The following PTPRM variants were observed in gnomAD, a reference collection of about 807,000 sequenced individuals.
PTPRM encodes the protein protein tyrosine phosphatase receptor type M, also known as receptor-type tyrosine-protein phosphatase mu.
A neutral mutation model predicts 186.7 loss-of-function variants in PTPRM; 47 were observed. The ratio of observed to expected loss-of-function variants is 0.25; its 90% confidence interval spans 0.20 to 0.32. The LOEUF (loss-of-function observed/expected upper bound fraction) is 0.32. Ranked by LOEUF, PTPRM falls within the 10% of genes least tolerant of loss-of-function variation. The pLI is 1.00. For missense variants in PTPRM, 1,494 were observed against 1,865.0 expected (o/e 0.80, Z 3.66); for synonymous variants, 668 against 674.9 (o/e 0.99, Z 0.16).
At chr18:8,224,074 G>A (rs566077887) in intron 14 of PTPRM, among the ~76,000 whole-genome samples, 1 of 152,270 alleles carries the variant, frequency 6.6e-6, no homozygotes, top group South Asian at 2.1e-4. Flanking sequence ...AAAGTTGCCA[G>A]CACTTTTGGC....
chr18:7,960,450 CAT>C (rs71354579), intron 7 of PTPRM, among the ~76,000 whole-genome samples: 6,916 of 120,350 alleles, frequency 0.057, 261 homozygotes, highest in Middle Eastern at 0.18. Context: ...ATATAGGCAA[CAT>C]ATATATATAT....
intron 1 of PTPRM, among the ~76,000 whole-genome samples, chr18:7,673,200 T>A (rs543299786): frequency 6.6e-6 from 1 of 152,296 alleles, no homozygotes; most frequent in East Asian, 1.9e-4. Context: ...GCAGCATGAA[T>A]GCCTTCTAGT....
intron 1 of PTPRM, among the ~76,000 whole-genome samples, chr18:7,624,622 C>T (rs529702575): frequency 3.9e-5 from 6 of 152,086 alleles, no homozygotes; most frequent in South Asian, 4.2e-4. Context: ...ACTGTAGGTG[C>T]GTGCTGCCAC....
intron 1 of PTPRM, among the ~76,000 whole-genome samples, chr18:7,700,032 T>A (rs986219556): frequency 5.9e-5 from 9 of 152,170 alleles, no homozygotes; most frequent in Admixed American, 2.6e-4. Flanking sequence ...AATGGAAAAC[T>A]ATAATGAGGA....
intron 1 of PTPRM, among the ~76,000 whole-genome samples, chr18:7,691,062 A>G (rs2039721358): frequency 6.6e-6 from 1 of 152,162 alleles, no homozygotes; most frequent in Non-Finnish European, 1.5e-5. Context: ...GAGATGCCAC[A>G]TCTCGACTAA....
chr18:7,941,360 T>C (rs2052161565), intron 5 of PTPRM, among the ~76,000 whole-genome samples: 1 of 152,232 alleles, frequency 6.6e-6, no homozygotes, highest in Admixed American at 6.5e-5. Context: ...AACTGAAAAT[T>C]GAATTAGGAT....
chr18:7,915,665 T>G (rs1218289218), intron 4 of PTPRM, among the ~76,000 whole-genome samples: 1 of 152,192 alleles, frequency 6.6e-6, no homozygotes, highest in Non-Finnish European at 1.5e-5. Context: ...AAAATCTCTA[T>G]TTTACAAATA....
At chr18:7,688,714 C>G (rs926027759) in intron 1 of PTPRM, among the ~76,000 whole-genome samples, 6 of 152,208 alleles carry the variant, frequency 3.9e-5, no homozygotes, top group Admixed American at 3.9e-4. Context: ...TGGCATCTCT[C>G]ATCCCGTGCG....
At chr18:8,402,669 G>T (rs1330158810) in intron 32 of PTPRM, among the ~76,000 whole-genome samples, 1 of 152,186 alleles carries the variant, frequency 6.6e-6, no homozygotes, top group Non-Finnish European at 1.5e-5. Flanking sequence ...GCACTTCACA[G>T]CCAAGATGTC....
intron 13 of PTPRM, among the ~76,000 whole-genome samples, chr18:8,119,385 C>A (rs1030656459): frequency 1.3e-5 from 2 of 152,122 alleles, no homozygotes; most frequent in Non-Finnish European, 2.9e-5. Context: ...GATAAAAGAA[C>A]TGAAAAGAAT....
In PTPRM at chr18:8,185,165, T is replaced by TA. The variant is rs5822995; in HGVS notation, c.2300+41396dup. 2.4e-3 allele frequency among the ~76,000 whole-genome samples: 364 copies of TA among 150,740 alleles called. 1 individual carries two copies. Among genetic ancestry groups the TA allele is most frequent in the African/African-American group, 7.9e-3 (324 of 41,040 alleles). On this transcript the variant is annotated intron_variant, in intron 14 of 32. Coordinates refer to ENST00000580170, the MANE Select transcript of PTPRM (RefSeq NM_001105244.2). Reference sequence around the variant, plus strand: ...TCTGATTACTAATTGTTAAAAAAAATAAAAAAAAAAGATAGTTTCTATCCT... The same window carrying TA: ...TCTGATTACTAATTGTTAAAAAAAATAAAAAAAAAAAGATAGTTTCTATCCT...
In PTPRM at chr18:8,022,556, C is replaced by T. The variant is rs4324245; in HGVS notation, c.1133-47130C>T. Among the ~76,000 whole-genome samples the T allele has an allele frequency of 5.6e-3, 853 of 152,264 alleles. 7 individuals carry two copies. Among genetic ancestry groups the T allele is most frequent in the African/African-American group, 0.02 (813 of 41,564 alleles). On this transcript the variant is annotated intron_variant, in intron 7 of 32. Transcript: ENST00000580170. ...TCTGAAGATCACTCAGACACAGTCA[C>T]CTAGACAGAAACCATAACAGGTCTC...
chr18:7,983,139 C>T (rs2082647681), intron 7 of PTPRM, among the ~76,000 whole-genome samples: 1 of 152,156 alleles, frequency 6.6e-6, no homozygotes. Context: ...CAACCAGGTA[C>T]ACCTGGCTGC....
chr18:7,823,306 C>T (rs1364026166), intron 2 of PTPRM, among the ~76,000 whole-genome samples: 3 of 152,130 alleles, frequency 2.0e-5, no homozygotes, highest in East Asian at 1.9e-4. Flanking sequence ...GAAAACAGAA[C>T]GATGGTATTG....
chr18:7,812,369 A>T (rs1226406202), intron 2 of PTPRM, among the ~76,000 whole-genome samples: 1 of 152,172 alleles, frequency 6.6e-6, no homozygotes, highest in Non-Finnish European at 1.5e-5. Flanking sequence ...GCAGGAGCAT[A>T]TTTTATAAGC....
intron 20 of PTPRM, among the ~76,000 whole-genome samples, chr18:8,307,804 CAAA>C (rs35139928): frequency 1.4e-5 from 2 of 140,850 alleles, no homozygotes; most frequent in African/African-American, 5.2e-5. Context: ...AACTCTGTCT[CAAA>C]AAAAAAAAAT....
chr18:7,774,806 T>C (rs1161134166), intron 2 of PTPRM, among the ~76,000 whole-genome samples: 1 of 152,232 alleles, frequency 6.6e-6, no homozygotes, highest in African/African-American at 2.4e-5. Flanking sequence ...GTGAAAGATG[T>C]GTTCCACTGA....
At chr18:7,717,567 A>T (rs582683) in intron 1 of PTPRM, among the ~76,000 whole-genome samples, 107,870 of 152,156 alleles carry the variant, frequency 0.71, 40,205 homozygotes, top group East Asian at 1. Context: ...TACAAAAGGC[A>T]GTCACACTAG....
intron 19 of PTPRM, among the ~76,000 whole-genome samples, chr18:8,274,123 G>A (rs1451564727): frequency 2.0e-5 from 3 of 152,116 alleles, no homozygotes; most frequent in Admixed American, 2.0e-4. Context: ...TGCTTTGTTG[G>A]TGGGGACTAA....
Sources: gnomAD v4.1 joint callset for allele counts (sites outside exome capture counted in the v4.1 genomes callset) on GRCh38, gnomAD v4.1.1 for gene constraint, MANE v1.5 for transcripts, NCBI Gene and HGNC (gene_info 2026-07-23, HGNC 2026-07-21) for gene names.